KCNK2: variants seen among roughly 807,000 people sequenced by gnomAD.
KCNK2 encodes potassium channel subfamily K member 2.
In KCNK2, 21 loss-of-function variants were observed where a neutral mutation model predicts 40.5. The observed-to-expected ratio is 0.52, with a 90% CI of 0.37 to 0.75. The LOEUF (loss-of-function observed/expected upper bound fraction) is 0.75. Among genes scored for constraint, KCNK2 ranks in the 30% least tolerant of loss-of-function variants. KCNK2 has a pLI of 0.00. For synonymous variants in KCNK2, 191 were observed against 202.2 expected, an observed-to-expected ratio of 0.94 and a Z score of 0.47; for missense variants, 399 against 531.6, an observed-to-expected ratio of 0.75 and a Z score of 2.45.
intron 1 of KCNK2, among the ~76,000 whole-genome samples, chr1:215,012,276 G>A (rs1656425488): frequency 6.6e-6 from 1 of 152,106 alleles, no homozygotes; most frequent in African/African-American, 2.4e-5. Context: ...AGCCGGGTAC[G>A]AGGGTCCTAG....
intron 5 of KCNK2, among the ~76,000 whole-genome samples, chr1:215,194,550 G>T (rs1664788711): frequency 6.6e-6 from 1 of 152,088 alleles, no homozygotes; most frequent in Non-Finnish European, 1.5e-5. Context: ...TGGCAATGAG[G>T]TAAATATGCT....
At position 215,091,209 on chromosome 1, in the gene KCNK2, A is replaced by G. The variant is rs145279428; in HGVS notation, c.357+4531A>G. ...AGGTGCCTCATAGTGCTCTAGGGGA[A>G]GACGAGGGGAATAGTGGACATTCTA... On this transcript the variant is annotated intron_variant, in intron 2 of 6. Coordinates refer to ENST00000444842, the MANE Select transcript of KCNK2 (RefSeq NM_001017425.3). 6.6e-5 allele frequency among the ~76,000 whole-genome samples: 10 copies of G among 152,304 alleles called. No individual in the cohort carries two copies. The East Asian group carries it at 1.9e-3, about 29-fold the overall frequency.
intron 6 of KCNK2, among the ~76,000 whole-genome samples, chr1:215,220,450 C>T (rs2102699256): frequency 6.6e-6 from 1 of 152,240 alleles, no homozygotes; most frequent in South Asian, 2.1e-4. Context: ...CCTCGTCACC[C>T]ATCTCAGACT....
At chr1:215,176,051 G>C (rs1327260826) in intron 5 of KCNK2, among the ~76,000 whole-genome samples, 2 of 152,082 alleles carry the variant, frequency 1.3e-5, no homozygotes, top group African/African-American at 2.4e-5. Flanking sequence ...TTCTGTTTTA[G>C]TTCTTTGAGA....
At chr1:215,015,659 C>A (rs894632036) in intron 1 of KCNK2, among the ~76,000 whole-genome samples, 4 of 152,080 alleles carry the variant, frequency 2.6e-5, no homozygotes, top group African/African-American at 9.7e-5. Flanking sequence ...TTGTTATCAC[C>A]TTTGACTCCC....
intron 3 of KCNK2, among the ~76,000 whole-genome samples, chr1:215,153,187 G>T (rs1248059099): frequency 6.6e-6 from 1 of 152,168 alleles, no homozygotes; most frequent in Non-Finnish European, 1.5e-5. Flanking sequence ...GAACTTGTTT[G>T]TAAAAGTCAG....
intron 6 of KCNK2, among the ~76,000 whole-genome samples, chr1:215,213,534 C>A (rs571928356): frequency 2.0e-5 from 3 of 152,252 alleles, no homozygotes; most frequent in African/African-American, 7.2e-5. Flanking sequence ...TCGCTTGAAC[C>A]CGGGAGGCAG....
intron 6 of KCNK2, among the ~76,000 whole-genome samples, chr1:215,213,248 G>A (rs903276600): frequency 3.9e-5 from 6 of 152,030 alleles, no homozygotes; most frequent in Admixed American, 3.3e-4. Flanking sequence ...TTGAAAGGAG[G>A]CCTAATAAAA....
At chr1:215,125,435 G>A (rs916966716) in intron 3 of KCNK2, among the ~76,000 whole-genome samples, 13 of 152,046 alleles carry the variant, frequency 8.6e-5, no homozygotes, top group Admixed American at 3.9e-4. Context: ...GCGGCAGAAT[G>A]GGTACATGTA....
At chr1:215,192,746 C>T (rs1051045408) in intron 5 of KCNK2, among the ~76,000 whole-genome samples, 1 of 152,088 alleles carries the variant, frequency 6.6e-6, no homozygotes, top group Non-Finnish European at 1.5e-5. Flanking sequence ...TTAACCATCA[C>T]GAGATGCATT....
chr1:215,059,028 T>C (rs2102505838), intron 1 of KCNK2, among the ~76,000 whole-genome samples: 1 of 152,186 alleles, frequency 6.6e-6, no homozygotes, highest in South Asian at 2.1e-4. Context: ...TGTATGTATG[T>C]ATGTGTGTGT....
chr1:215,006,017 G>A (rs1285956253), intron 1 of KCNK2: 12 of 1,352,896 alleles, frequency 8.9e-6, no homozygotes, highest in Non-Finnish European at 1.3e-5. Flanking sequence ...AGTAGGCTGA[G>A]TAGATTTCCA....
intron 3 of KCNK2, among the ~76,000 whole-genome samples, chr1:215,126,658 C>T (rs1661449437): frequency 6.6e-6 from 1 of 152,024 alleles, no homozygotes; most frequent in South Asian, 2.1e-4. Flanking sequence ...TTTTTTGAAT[C>T]CCCTAATACA....
At chr1:215,078,076 C>T (rs1659012792), upstream of KCNK2, among the ~76,000 whole-genome samples, 1 of 152,158 alleles carries the variant, frequency 6.6e-6, no homozygotes, top group South Asian at 2.1e-4. Context: ...ATTGTCTTGG[C>T]CTCACATAAA....
intron 6 of KCNK2, among the ~76,000 whole-genome samples, chr1:215,228,541 C>T (rs766930475): frequency 1.1e-4 from 17 of 152,114 alleles, no homozygotes; most frequent in African/African-American, 7.2e-5. Context: ...CTCTTTCTTC[C>T]GTAAATTACA....
chr1:215,191,603 A>G (rs1664669747), intron 5 of KCNK2, among the ~76,000 whole-genome samples: 1 of 152,202 alleles, frequency 6.6e-6, no homozygotes, highest in Non-Finnish European at 1.5e-5. Context: ...AGAAGCTGTC[A>G]CATGTCATAT....
chr1:215,026,980 C>T (rs1399513487), intron 1 of KCNK2, among the ~76,000 whole-genome samples: 1 of 151,860 alleles, frequency 6.6e-6, no homozygotes, highest in East Asian at 1.9e-4. Context: ...GGGCTCTATC[C>T]CTTGCTTATT....
chr1:215,101,402 G>A (rs1375721378), intron 2 of KCNK2, among the ~76,000 whole-genome samples: 1 of 151,980 alleles, frequency 6.6e-6, no homozygotes, highest in Non-Finnish European at 1.5e-5. Context: ...GTCAAATAAA[G>A]GTTTTTTGGG....
At chr1:215,082,675 C>G (rs1259887036), upstream of KCNK2, among the ~76,000 whole-genome samples, 1 of 151,592 alleles carries the variant, frequency 6.6e-6, no homozygotes, top group Non-Finnish European at 1.5e-5. Context: ...TGCGGGGAAG[C>G]AAGCCCTGGC....
Sources: gnomAD v4.1 joint callset for allele counts (sites outside exome capture counted in the v4.1 genomes callset) on GRCh38, gnomAD v4.1.1 for gene constraint, MANE v1.5 for transcripts, NCBI Gene and HGNC (gene_info 2026-07-23, HGNC 2026-07-21) for gene names.